Variants in MLLT10 observed in about 807,000 individuals in gnomAD.
The protein encoded by MLLT10 is MLLT10 histone lysine methyltransferase DOT1L cofactor, also known as protein AF-10.
A neutral mutation model predicts 129.1 loss-of-function variants in MLLT10; 30 were observed. The ratio of observed to expected loss-of-function variants is 0.23; its 90% CI spans 0.17 to 0.32. The LOEUF is 0.32. Among genes scored for constraint, MLLT10 ranks in the 10% least tolerant of loss-of-function variants. The probability of loss-of-function intolerance (pLI) is 1.00; values close to 1 mark genes in which losing one functional copy is unlikely to be tolerated. For missense variants in MLLT10, 1,119 were observed against 1,268.3 expected (o/e 0.88, Z 1.79); for synonymous variants, 490 against 446.4 (o/e 1.10, Z -1.23).
Position 21,726,462 on chromosome 10 carries a change from G to A in MLLT10, c.1990+107G>A, listed in dbSNP as rs941025144. The A allele has an allele frequency of 2.1e-5, 15 of 708,720 alleles. No homozygotes were observed. In the African/African-American group the frequency reaches 2.3e-4, roughly 11 times the overall value. The allele number at this position is 708,720 out of a possible 1,614,324, so 43.9% of individuals were successfully genotyped here. ...AAAACATGCAGGGATGTGGTTAGTA[G>A]AGGATTTGTACTTTAAAAAAATATT... On this transcript the variant is annotated intron_variant, in intron 15 of 22. Coordinates refer to ENST00000307729, the MANE Select transcript of MLLT10 (RefSeq NM_001195626.3).
chr10:21,622,884 CT>C, intron 8 of MLLT10, among the ~76,000 whole-genome samples: 1 of 152,350 alleles, frequency 6.6e-6, no homozygotes, highest in African/African-American at 2.4e-5. Flanking sequence ...GTCACCTGTA[CT>C]TTTCACCAAC....
At chr10:21,549,978 C>T (rs1236150077) in intron 3 of MLLT10, among the ~76,000 whole-genome samples, 3 of 152,174 alleles carry the variant, frequency 2.0e-5, no homozygotes, top group Non-Finnish European at 2.9e-5. Context: ...TGAGGCTCCA[C>T]TCAACAACTT....
At chr10:21,718,710 T>G (rs1296167594) in intron 14 of MLLT10, among the ~76,000 whole-genome samples, 1 of 152,186 alleles carries the variant, frequency 6.6e-6, no homozygotes, top group East Asian at 1.9e-4. Flanking sequence ...TATTTCGTGT[T>G]TTTGTTGTTG....
rs116335072 is a variant in MLLT10 at position 21,643,382 on chromosome 10, C to G, written c.700-8291C>G. ...TTCTATTTTTTCAGGTAGTGACATT[C>G]TCTTATGTAAACATAATCCTCATAG... On this transcript the variant is annotated intron_variant, in intron 8 of 22. Coordinates refer to ENST00000307729, the MANE Select transcript of MLLT10 (RefSeq NM_001195626.3). Among the ~76,000 whole-genome samples, 1,432 of 152,268 alleles carry G rather than the reference C, an allele frequency of 9.4e-3. 19 individuals carry two copies. Among genetic ancestry groups the G allele is most frequent in the African/African-American group, 0.033 (1,370 of 41,548 alleles).
intron 10 of MLLT10, among the ~76,000 whole-genome samples, chr10:21,671,404 C>T (rs920872609): frequency 6.6e-6 from 1 of 152,078 alleles, no homozygotes; most frequent in Non-Finnish European, 1.5e-5. Context: ...ATCTATAATC[C>T]TAGCAGTTTG....
chr10:21,669,004 TG>T, intron 9 of MLLT10: 1 of 1,378,128 alleles, frequency 7.3e-7, no homozygotes, highest in South Asian at 1.2e-5. Context: ...TGAGGTGGGG[TG>T]GTTTCCAAAT....
intron 3 of MLLT10, among the ~76,000 whole-genome samples, chr10:21,553,655 T>C (rs1025231351): frequency 1.3e-5 from 2 of 150,406 alleles, no homozygotes; most frequent in Non-Finnish European, 2.9e-5. Flanking sequence ...CTTTTCCTTT[T>C]CTTTTTTTTT....
At chr10:21,639,416 G>T (rs572727009) in intron 8 of MLLT10, among the ~76,000 whole-genome samples, 2 of 152,300 alleles carry the variant, frequency 1.3e-5, no homozygotes, top group South Asian at 2.1e-4. Context: ...GGTTCCCACA[G>T]CCCCCTCCTT....
intron 3 of MLLT10, among the ~76,000 whole-genome samples, chr10:21,565,347 G>C (rs2039413813): frequency 6.6e-6 from 1 of 152,108 alleles, no homozygotes; most frequent in South Asian, 2.1e-4. Flanking sequence ...TTGCACTGTA[G>C]CCTGGGCTGG....
At position 21,726,300 on chromosome 10, in the gene MLLT10, T is replaced by C. The variant is rs1261221206; in HGVS notation, c.1935T>C (p.Asn645=). 8.1e-6 allele frequency: 13 copies of C among 1,613,448 alleles called. No homozygotes were observed. The South Asian group carries it at 1.1e-4, about 14-fold the overall frequency. The change falls in exon 15 of 23, where the codon AAT becomes AAC. Residue 645 remains asparagine (N), a synonymous_variant. Coordinates refer to ENST00000307729, the MANE Select transcript of MLLT10 (RefSeq NM_001195626.3). ...AGGCACCATCTCATATGTATGGCAA[T>C]AGATCAAATTCATCAATGGCAGCTC... ...LSQAPSHMYG[N]RSNSSMAALI... is the part of the protein sequence containing the mutation.
intron 8 of MLLT10, among the ~76,000 whole-genome samples, chr10:21,645,010 CTTCAGTTT>C (rs1198667377): frequency 6.6e-6 from 1 of 152,142 alleles, no homozygotes; most frequent in Admixed American, 6.6e-5. Context: ...TTCCTCTCGC[CTTCAGTTT>C]TTCCTGTTTC....
intron 5 of MLLT10, among the ~76,000 whole-genome samples, chr10:21,596,363 G>A (rs2043017782): frequency 2.0e-5 from 3 of 152,036 alleles, no homozygotes; most frequent in Non-Finnish European, 4.4e-5. Context: ...TAGATACTTA[G>A]TCTGTAATAC....
At chr10:21,623,797 C>T (rs2046147935) in intron 8 of MLLT10, among the ~76,000 whole-genome samples, 1 of 152,026 alleles carries the variant, frequency 6.6e-6, no homozygotes, top group Admixed American at 6.6e-5. Context: ...TTTAAAAAGC[C>T]CTCTAAGAAT....
chr10:21,573,336 C>G (rs534011250), intron 3 of MLLT10, among the ~76,000 whole-genome samples: 57 of 152,236 alleles, frequency 3.7e-4, no homozygotes, highest in African/African-American at 1.3e-3. Flanking sequence ...GCAAGGCCAA[C>G]AGAACCCAGC....
At chr10:21,660,871 C>CA (rs770411226) in intron 9 of MLLT10, among the ~76,000 whole-genome samples, 3,019 of 80,994 alleles carry the variant, frequency 0.037, 56 homozygotes, top group East Asian at 0.12. Flanking sequence ...AACTCTGTCT[C>CA]AAAAAAAAAA....
intron 13 of MLLT10, among the ~76,000 whole-genome samples, chr10:21,707,989 G>A (rs911382273): frequency 2.0e-5 from 3 of 151,982 alleles, no homozygotes; most frequent in African/African-American, 7.3e-5. Flanking sequence ...CACTCTTGTG[G>A]TACCTTTTTC....
At chr10:21,677,890 T>G (rs2052346956) in intron 11 of MLLT10, among the ~76,000 whole-genome samples, 1 of 152,206 alleles carries the variant, frequency 6.6e-6, no homozygotes, top group African/African-American at 2.4e-5. Flanking sequence ...GGCTAGGGGC[T>G]GTTTCTGACA....
intron 14 of MLLT10, among the ~76,000 whole-genome samples, chr10:21,717,810 T>TCTTCTTCTC (rs2056820553): frequency 2.3e-5 from 2 of 87,964 alleles, no homozygotes; most frequent in East Asian, 3.8e-4. Context: ...TCCTTCTTCT[T>TCTTCTTCTC]CTCCTTCTTC....
chr10:21,704,175 G>A (rs909661597), intron 13 of MLLT10, among the ~76,000 whole-genome samples: 11 of 150,192 alleles, frequency 7.3e-5, no homozygotes, highest in Non-Finnish European at 1.3e-4. Context: ...ACACCTGGCT[G>A]ACTTTTGTAT....
Sources: allele counts gnomAD v4.1 joint callset (sites outside exome capture counted in the v4.1 genomes callset), GRCh38; gene constraint gnomAD v4.1.1; transcripts MANE v1.5; gene names NCBI Gene and HGNC (gene_info 2026-07-23, HGNC 2026-07-21).